The following TRIM36 variants were observed in gnomAD, a reference collection of about 807,000 sequenced individuals.
TRIM36 encodes the protein E3 ubiquitin-protein ligase TRIM36.
In TRIM36, 42 loss-of-function variants were observed where a neutral mutation model predicts 72.4. That is an observed-to-expected ratio of 0.58 (90% CI 0.45 to 0.75). The LOEUF (loss-of-function observed/expected upper bound fraction) is 0.75. Ranked by LOEUF, TRIM36 falls within the 30% of genes least tolerant of loss-of-function variation. The pLI is 0.00. For missense variants in TRIM36, 913 were observed against 857.1 expected (o/e 1.07, Z -0.81); for synonymous variants, 315 against 282.8 (o/e 1.11, Z -1.14).
In TRIM36 at chr5:115,169,664, C is replaced by T. The variant is rs1393724761; in HGVS notation, c.-30G>A. On this transcript the variant is annotated 5_prime_UTR_variant, in exon 1 of 10. Transcript: ENST00000513154. ...GCCTTCTGCCAGGTGTCATCAGCGG[C>T]ACGTTCCACTCACACCGGCTACCGA... The T allele has an allele frequency of 2.0e-6, 3 of 1,519,582 alleles. No individual in the cohort carries two copies. The Admixed American group carries it at 6.2e-5, about 31-fold the overall frequency. The allele number at this position is 1,519,582 out of a possible 1,614,324, so 94.1% of individuals were successfully genotyped here. A position where few individuals can be genotyped will look rare whatever the true frequency, so the allele number is the denominator to read the frequency against.
At chr5:115,180,279 C>T (rs1755560330), upstream of TRIM36, 8 of 425,126 alleles carry the variant, frequency 1.9e-5, no homozygotes, top group South Asian at 2.6e-4. Flanking sequence ...GTCGGGGCTG[C>T]GCGATCTAAC....
intron 2 of TRIM36, among the ~76,000 whole-genome samples, chr5:115,155,781 C>T (rs575667934): frequency 6.6e-6 from 1 of 152,218 alleles, no homozygotes; most frequent in East Asian, 1.9e-4. Flanking sequence ...CTCTTACCAC[C>T]CTTCTTCAAT....
intron 7 of TRIM36, among the ~76,000 whole-genome samples, chr5:115,136,071 CAAGT>C (rs1752949846): frequency 6.6e-6 from 1 of 152,154 alleles, no homozygotes; most frequent in South Asian, 2.1e-4. Context: ...CAAACGTAAG[CAAGT>C]GTTATGGACT....
rs2974617 is a variant in TRIM36 at position 115,126,658 on chromosome 5, C to T, written c.1996G>A (p.Asp666Asn). 1,531,756 of 1,614,106 alleles carry T rather than the reference C, an allele frequency of 0.95. 727,330 individuals are homozygous for T. Among genetic ancestry groups the T allele is most frequent in the Middle Eastern group, 0.99 (6,017 of 6,062 alleles). The change falls in exon 10 of 10, where the codon GAT (aspartate) becomes AAT (asparagine). Residue 666 changes from aspartate (D) to asparagine (N), a missense_variant. By Grantham distance (23) the Asp-to-Asn change is conservative. Coordinates refer to ENST00000513154, the MANE Select transcript of TRIM36 (RefSeq NM_001300759.2). ...TTCATCTGATCCATATCATAGAAATCTACTTTGCCTTTATCACAGTCAAGG... is the reference window on the plus strand; with the variant it reads ...TTCATCTGATCCATATCATAGAAATTTACTTTGCCTTTATCACAGTCAAGG... The part of the protein sequence containing the change: ...IFLDCDKGKV[D>N]FYDMDQMKCL...
intron 3 of TRIM36, among the ~76,000 whole-genome samples, chr5:115,145,430 T>C (rs766630874): frequency 2.0e-5 from 3 of 152,238 alleles, no homozygotes; most frequent in Non-Finnish European, 2.9e-5. Context: ...TCCTTTAAGT[T>C]AGTATGTTAA....
At chr5:115,172,058 AATTTTTGAAT>A (rs921232866), upstream of TRIM36, among the ~76,000 whole-genome samples, 2 of 152,208 alleles carry the variant, frequency 1.3e-5, no homozygotes, top group African/African-American at 4.8e-5. Flanking sequence ...TGTTTGTAAA[AATTTTTGAAT>A]ATTTTTGTGC....
intron 9 of TRIM36, among the ~76,000 whole-genome samples, chr5:115,128,092 G>GGA (rs948504529): frequency 6.7e-6 from 1 of 150,344 alleles, no homozygotes; most frequent in African/African-American, 2.4e-5. Flanking sequence ...AAAAAATTGG[G>GGA]GGGGGCCAGG....
At chr5:115,163,479 AC>A (rs1409217473) in intron 2 of TRIM36, 38 bp downstream of exon 2, 3 of 1,542,692 alleles carry the variant, frequency 1.9e-6, no homozygotes, top group Non-Finnish European at 2.7e-6. Context: ...CTATAAGCTT[AC>A]CCCCACTACC....
intron 6 of TRIM36, 83 bp from the exon 7 acceptor site, chr5:115,137,207 A>C (rs1434336142): frequency 6.7e-7 from 1 of 1,484,638 alleles, no homozygotes; most frequent in Non-Finnish European, 9.0e-7. Context: ...AACAAAATAA[A>C]ACCCACACTT....
chr5:115,170,606 G>A (rs1235851869), upstream of TRIM36, among the ~76,000 whole-genome samples: 2 of 152,218 alleles, frequency 1.3e-5, no homozygotes, highest in African/African-American at 4.8e-5. Flanking sequence ...GTCCCTGACT[G>A]GGCACCGAGC....
intron 1 of TRIM36, among the ~76,000 whole-genome samples, chr5:115,167,080 C>T (rs2126940326): frequency 6.6e-6 from 1 of 152,332 alleles, no homozygotes; most frequent in East Asian, 1.9e-4. Context: ...CAGAACAAGC[C>T]CAGTGGGCCT....
At chr5:115,131,987 C>T (rs1473503105) in intron 8 of TRIM36, among the ~76,000 whole-genome samples, 3 of 151,942 alleles carry the variant, frequency 2.0e-5, no homozygotes, top group African/African-American at 7.3e-5. Flanking sequence ...GTACTTAATG[C>T]CAATGAGCTG....
chr5:115,163,444 C>A, intron 2 of TRIM36, 74 bp downstream of exon 2: 1 of 1,283,292 alleles, frequency 7.8e-7, no homozygotes, highest in Non-Finnish European at 1.1e-6. Context: ...AATAATTTTC[C>A]TTCCAGTTAC....
chr5:115,151,236 G>A (rs993809374), intron 2 of TRIM36, among the ~76,000 whole-genome samples: 1 of 152,158 alleles, frequency 6.6e-6, no homozygotes, highest in South Asian at 2.1e-4. Context: ...TGGGAGCTGG[G>A]TGAGGCCTGT....
intron 2 of TRIM36, among the ~76,000 whole-genome samples, chr5:115,160,422 G>A (rs754422973): frequency 2.0e-5 from 3 of 152,116 alleles, no homozygotes; most frequent in Non-Finnish European, 4.4e-5. Flanking sequence ...TTTATTCTGT[G>A]TATTTTAACT....
chr5:115,179,255 C>A (rs911732052), intron 1 of TRIM36, among the ~76,000 whole-genome samples: 2 of 152,106 alleles, frequency 1.3e-5, no homozygotes, highest in South Asian at 4.1e-4. Context: ...GACTCAGGCC[C>A]GGCACCACCC....
chr5:115,176,698 T>C (rs376911373), intron 1 of TRIM36, among the ~76,000 whole-genome samples: 1 of 152,204 alleles, frequency 6.6e-6, no homozygotes, highest in Non-Finnish European at 1.5e-5. Flanking sequence ...GATAAAAAAA[T>C]TAGTGAGGCA....
rs373036793 is a variant in TRIM36 at position 115,157,295 on chromosome 5, G to A, written c.262+6223C>T. 4.1e-4 allele frequency among the ~76,000 whole-genome samples: 62 copies of A among 152,244 alleles called. 1 individual carries two copies. In the South Asian group the frequency reaches 0.013, roughly 31 times the overall value. ...CTAAAAGTAGAGGCCAGGCACAGTG[G>A]CTCACACCTGTAATCCCAACATTTT... On this transcript the variant is annotated intron_variant, in intron 2 of 9. Transcript: ENST00000513154.
At chr5:115,159,547 G>A (rs1754363756) in intron 2 of TRIM36, 1 of 407,544 alleles carries the variant, frequency 2.5e-6, no homozygotes, top group Non-Finnish European at 4.8e-6. Flanking sequence ...TTGAAGACTT[G>A]ACCACTGATG....
Sources: gnomAD v4.1 joint callset for allele counts (sites outside exome capture counted in the v4.1 genomes callset) on GRCh38, gnomAD v4.1.1 for gene constraint, MANE v1.5 for transcripts, NCBI Gene and HGNC (gene_info 2026-07-23, HGNC 2026-07-21) for gene names.